The following AKAP6 variants were observed in gnomAD, a reference collection of about 807,000 sequenced individuals.
AKAP6 encodes A-kinase anchor protein 6.
AKAP6 carries 58 observed loss-of-function variants against 188.5 expected under a neutral mutation model. That is an observed-to-expected ratio of 0.31 (90% CI 0.25 to 0.38). AKAP6 has a LOEUF of 0.38. Ranked by LOEUF, AKAP6 falls within the 10% of genes least tolerant of loss-of-function variation. AKAP6 has a pLI of 1.00. For synonymous variants in AKAP6, 989 were observed against 998.6 expected, an observed-to-expected ratio of 0.99 and a Z score of 0.18; for missense variants, 2,710 against 2,740.0, an observed-to-expected ratio of 0.99 and a Z score of 0.24.
chr14:32,764,933 C>CTTTTT (rs571680392), intron 11 of AKAP6, among the ~76,000 whole-genome samples: 1 of 124,686 alleles, frequency 8.0e-6, no homozygotes, highest in Non-Finnish European at 1.7e-5. Context: ...TCAAGTGAAT[C>CTTTTT]TTTTTTTTTT....
intron 4 of AKAP6, among the ~76,000 whole-genome samples, chr14:32,563,300 C>G (rs10133066): frequency 0.015 from 2,289 of 152,206 alleles, 48 homozygotes; most frequent in African/African-American, 0.049. Flanking sequence ...CTATTGTAAG[C>G]AGGTGACTTG....
At chr14:32,644,465 A>T (rs1887896828) in intron 7 of AKAP6, among the ~76,000 whole-genome samples, 1 of 152,136 alleles carries the variant, frequency 6.6e-6, no homozygotes, top group Non-Finnish European at 1.5e-5. Context: ...GTTTCTTGAG[A>T]CATCCATTTG....
chr14:32,584,788 T>C (rs1885154198), intron 5 of AKAP6, among the ~76,000 whole-genome samples: 1 of 152,218 alleles, frequency 6.6e-6, no homozygotes, highest in Non-Finnish European at 1.5e-5. Flanking sequence ...GTACTTATTT[T>C]GGGATATGTT....
At chr14:32,376,723 G>A (rs970880223) in intron 1 of AKAP6, among the ~76,000 whole-genome samples, 1 of 152,110 alleles carries the variant, frequency 6.6e-6, no homozygotes, top group African/African-American at 2.4e-5. Flanking sequence ...TTTTGACAGA[G>A]TATCACTCTG....
intron 2 of AKAP6, among the ~76,000 whole-genome samples, chr14:32,523,217 T>C (rs1045106403): frequency 6.6e-6 from 1 of 152,112 alleles, no homozygotes; most frequent in African/African-American, 2.4e-5. Context: ...TTAGGAGATA[T>C]ACCTAATGTA....
chr14:32,716,986 A>G (rs1413716186), intron 9 of AKAP6, among the ~76,000 whole-genome samples: 2 of 152,132 alleles, frequency 1.3e-5, no homozygotes, highest in Non-Finnish European at 2.9e-5. Flanking sequence ...CCTGTGTTAG[A>G]CAAGTGGCAA....
chr14:32,468,215 T>C (rs1351814776), intron 2 of AKAP6, among the ~76,000 whole-genome samples: 1 of 152,184 alleles, frequency 6.6e-6, no homozygotes, highest in East Asian at 1.9e-4. Flanking sequence ...TTGAACACAG[T>C]AGGTACTCTG....
At chr14:32,360,023 G>C (rs1398059728) in intron 1 of AKAP6, among the ~76,000 whole-genome samples, 4 of 152,166 alleles carry the variant, frequency 2.6e-5, no homozygotes, top group Admixed American at 2.0e-4. Flanking sequence ...CTACCTCTTG[G>C]AGGGAGGTCT....
chr14:32,355,365 C>A (rs536070897), intron 1 of AKAP6, among the ~76,000 whole-genome samples: 2 of 152,214 alleles, frequency 1.3e-5, no homozygotes, highest in South Asian at 4.2e-4. Context: ...GTCCCCTCAC[C>A]GGCTCCAAGC....
At chr14:32,450,822 G>A (rs8013463) in intron 2 of AKAP6, among the ~76,000 whole-genome samples, 93,092 of 152,016 alleles carry the variant, frequency 0.61, 30,301 homozygotes, top group African/African-American at 0.84. Flanking sequence ...GCCTTGGTTA[G>A]TTATAGTTTT....
At chr14:32,689,825 G>A (rs1482271374) in intron 8 of AKAP6, among the ~76,000 whole-genome samples, 7 of 151,960 alleles carry the variant, frequency 4.6e-5, no homozygotes, top group Admixed American at 3.3e-4. Flanking sequence ...GCAAGATTTT[G>A]TTACCACTCC....
intron 5 of AKAP6, among the ~76,000 whole-genome samples, chr14:32,598,385 C>T (rs1885789490): frequency 6.6e-6 from 1 of 152,076 alleles, no homozygotes. Context: ...ACCATTGGTT[C>T]AATAGATTGG....
intron 9 of AKAP6, among the ~76,000 whole-genome samples, chr14:32,713,279 C>T (rs958308889): frequency 6.6e-6 from 1 of 151,994 alleles, no homozygotes; most frequent in African/African-American, 2.4e-5. Context: ...TGATAGAGCA[C>T]AGGCAGAGTA....
chr14:32,682,015 A>G (rs1889698756), intron 8 of AKAP6, among the ~76,000 whole-genome samples: 1 of 152,230 alleles, frequency 6.6e-6, no homozygotes, highest in South Asian at 2.1e-4. Flanking sequence ...AGGAGGAACC[A>G]GATCTCTGTA....
chr14:32,763,448 A>G (rs534834306), intron 11 of AKAP6, among the ~76,000 whole-genome samples: 3 of 152,268 alleles, frequency 2.0e-5, no homozygotes, highest in East Asian at 3.9e-4. Context: ...AAAATCTGCT[A>G]ATGTGGCAAA....
chr14:32,571,834 A>G (rs1420654835), intron 4 of AKAP6, among the ~76,000 whole-genome samples: 1 of 152,222 alleles, frequency 6.6e-6, no homozygotes, highest in East Asian at 1.9e-4. Context: ...TCTGTAATTG[A>G]GCACTGGTAG....
chr14:32,632,316 A>G (rs182614680), intron 7 of AKAP6, among the ~76,000 whole-genome samples: 7 of 152,180 alleles, frequency 4.6e-5, no homozygotes, highest in African/African-American at 1.7e-4. Flanking sequence ...CAGTCAATTC[A>G]TTTAGCCTTT....
intron 9 of AKAP6, among the ~76,000 whole-genome samples, chr14:32,712,459 T>C (rs1414137817): frequency 6.6e-6 from 1 of 152,060 alleles, no homozygotes; most frequent in Non-Finnish European, 1.5e-5. Flanking sequence ...AGGATTTCTC[T>C]GTACCATACA....
At chr14:32,510,438 GTATATATATATACATATATATGTGTA>G (rs57879521) in intron 2 of AKAP6, among the ~76,000 whole-genome samples, 34,928 of 84,410 alleles carry the variant, frequency 0.41, 5,753 homozygotes, top group Non-Finnish European at 0.46. Context: ...ATATATATGT[GTATATATATATACATATATATGTGTA>G]TATATATATA....
Sources: allele counts gnomAD v4.1 joint callset (sites outside exome capture counted in the v4.1 genomes callset), GRCh38; gene constraint gnomAD v4.1.1; transcripts MANE v1.5; gene names NCBI Gene and HGNC (gene_info 2026-07-23, HGNC 2026-07-21).